The following TECRL variants were observed in gnomAD, a reference collection of about 807,000 sequenced individuals.
The protein encoded by TECRL is trans-2,3-enoyl-CoA reductase-like.
Under a neutral mutation model 52.8 loss-of-function variants are expected in TECRL, and 63 were observed. The ratio of observed to expected loss-of-function variants is 1.19; its 90% CI spans 0.97 to 1.47. TECRL has a LOEUF of 1.47. TECRL is among the 40% of genes most tolerant of loss of function. The probability of loss-of-function intolerance (pLI) is 0.00; values close to 1 mark genes in which losing one functional copy is unlikely to be tolerated. For synonymous variants in TECRL, 164 were observed against 141.9 expected (o/e 1.16, Z -1.10); for missense variants, 482 against 429.6 (o/e 1.12, Z -1.08).
chr4:64,328,422 T>C, intron 3 of TECRL, 90 bp downstream of exon 3: 1 of 1,094,574 alleles, frequency 9.1e-7, no homozygotes, highest in East Asian at 2.4e-5. Flanking sequence ...AATATTTGTA[T>C]ATTTGCAAAG....
chr4:64,378,198 A>C (rs1722531775), intron 1 of TECRL, among the ~76,000 whole-genome samples: 1 of 152,146 alleles, frequency 6.6e-6, no homozygotes. Context: ...CAAGGAAGAA[A>C]ATTGCCGAAA....
intron 7 of TECRL, among the ~76,000 whole-genome samples, chr4:64,300,219 A>G (rs1243237097): frequency 6.6e-6 from 1 of 150,652 alleles, no homozygotes; most frequent in East Asian, 1.9e-4. Context: ...TATTAACATA[A>G]TGATATTTAA....
At chr4:64,291,580 G>C (rs546669040) in intron 8 of TECRL, among the ~76,000 whole-genome samples, 104 of 151,922 alleles carry the variant, frequency 6.8e-4, no homozygotes, top group South Asian at 2.5e-3. Context: ...TATTTGTTTT[G>C]AGATTATTAA....
chr4:64,349,585 C>T (rs1226236356), intron 2 of TECRL, among the ~76,000 whole-genome samples: 2 of 152,122 alleles, frequency 1.3e-5, no homozygotes, highest in African/African-American at 2.4e-5. Flanking sequence ...AACACAATTG[C>T]AAATGCTGTG....
intron 2 of TECRL, among the ~76,000 whole-genome samples, chr4:64,334,030 C>CA (rs4034910): frequency 0.057 from 1,607 of 28,024 alleles, 223 homozygotes; most frequent in African/African-American, 0.13. Context: ...GACTCCGTCT[C>CA]AAAAAAAAAA....
chr4:64,394,847 A>T (rs1166385907), intron 1 of TECRL, among the ~76,000 whole-genome samples: 1 of 152,154 alleles, frequency 6.6e-6, no homozygotes, highest in Non-Finnish European at 1.5e-5. Context: ...AAAGATAAAA[A>T]AATTGAGATC....
intron 5 of TECRL, among the ~76,000 whole-genome samples, chr4:64,314,329 A>G (rs1361629653): frequency 6.6e-6 from 1 of 151,986 alleles, no homozygotes; most frequent in Non-Finnish European, 1.5e-5. Context: ...TGGTCTTTCA[A>G]TTTTGTAATT....
chr4:64,312,500 G>A (rs977178185), intron 5 of TECRL, among the ~76,000 whole-genome samples: 3 of 152,156 alleles, frequency 2.0e-5, no homozygotes, highest in Non-Finnish European at 4.4e-5. Context: ...AGTGGTGCAT[G>A]CCTATAATCC....
chr4:64,343,842 C>A (rs560104467), intron 2 of TECRL, among the ~76,000 whole-genome samples: 1 of 151,390 alleles, frequency 6.6e-6, no homozygotes, highest in Non-Finnish European at 1.5e-5. Flanking sequence ...TTTAGAGCCA[C>A]GGAGAGAAAA....
rs1724560455 is a variant in TECRL at position 64,309,825 on chromosome 4, C to A, written c.657+1G>T. Reference sequence around the variant, plus strand: ...TTATTAAAAACACAAAGCATCCTCACCATTATCAAATTTTTCAAAGGTGTG... The same window carrying A: ...TTATTAAAAACACAAAGCATCCTCAACATTATCAAATTTTTCAAAGGTGTG... On this transcript the variant is annotated splice_donor_variant, in intron 6 of 11. Coordinates refer to ENST00000381210, the MANE Select transcript of TECRL (RefSeq NM_001010874.5). LOFTEE classifies it high-confidence loss of function. 1 of 1,574,780 alleles carries A rather than the reference C, an allele frequency of 6.4e-7. No individual in the cohort carries two copies. Among genetic ancestry groups the A allele is most frequent in the African/African-American group, 1.4e-5 (1 of 73,966 alleles).
chr4:64,367,544 A>T (rs1413168898), intron 2 of TECRL, among the ~76,000 whole-genome samples: 2 of 40,788 alleles, frequency 4.9e-5, no homozygotes, highest in East Asian at 3.7e-3. Flanking sequence ...AATTCTCATC[A>T]CTTATATGAA....
chr4:64,395,628 A>G (rs1163996385), intron 1 of TECRL, among the ~76,000 whole-genome samples: 1 of 152,216 alleles, frequency 6.6e-6, no homozygotes, highest in Non-Finnish European at 1.5e-5. Context: ...TCCCCAAAAT[A>G]CAAATACATT....
intron 8 of TECRL, among the ~76,000 whole-genome samples, chr4:64,296,948 A>G (rs1015915915): frequency 5.9e-5 from 9 of 151,562 alleles, no homozygotes; most frequent in African/African-American, 2.2e-4. Context: ...GTGATACCCG[A>G]ACATATCTGA....
chr4:64,409,267 C>T lies in TECRL; in HGVS notation c.85G>A (p.Asp29Asn), dbSNP rs1724942337. Residue 29 changes from aspartate (D) to asparagine (N), a missense_variant, in exon 1 of 12, where the codon GAT becomes AAT. Coordinates refer to ENST00000381210, the MANE Select transcript of TECRL (RefSeq NM_001010874.5). ...GACAAAAAGTGAAAATTTCTCATAT[C>T]ATCCTTCAGTATGAACCGTGTAGCT... ...QRATRFILKD[D>N]MRNFHFLSKL... 7 of 1,588,192 alleles carry T rather than the reference C, an allele frequency of 4.4e-6. No homozygotes were observed. The highest frequency in any genetic ancestry group is 6.0e-6 in the Non-Finnish European group (7 of 1,164,788).
chr4:64,347,760 C>T (rs575388490), intron 2 of TECRL, among the ~76,000 whole-genome samples: 1 of 152,270 alleles, frequency 6.6e-6, no homozygotes, highest in Admixed American at 6.5e-5. Context: ...GTGGGGATTA[C>T]AGGTCCCTCC....
intron 1 of TECRL, among the ~76,000 whole-genome samples, chr4:64,399,784 G>A (rs1357825878): frequency 3.3e-5 from 5 of 152,126 alleles, no homozygotes; most frequent in Non-Finnish European, 7.4e-5. Flanking sequence ...AGATTTCAGC[G>A]GATATATGAA....
intron 1 of TECRL, among the ~76,000 whole-genome samples, chr4:64,376,975 A>C (rs1242543349): frequency 6.6e-6 from 1 of 152,044 alleles, no homozygotes; most frequent in Non-Finnish European, 1.5e-5. Flanking sequence ...TCTTAATCTG[A>C]TATGCAAAAG....
intron 4 of TECRL, among the ~76,000 whole-genome samples, chr4:64,321,569 AT>A (rs1357873674): frequency 2.0e-5 from 3 of 152,124 alleles, no homozygotes; most frequent in Non-Finnish European, 4.4e-5. Flanking sequence ...CTGTTTATTA[AT>A]TTTTCACTGC....
intron 6 of TECRL, among the ~76,000 whole-genome samples, chr4:64,308,745 A>T (rs146463013): frequency 4.0e-4 from 61 of 152,306 alleles, no homozygotes; most frequent in Middle Eastern, 3.4e-3. Flanking sequence ...TAACAGAAGC[A>T]TTTTACAAAT....
Sources: gnomAD v4.1 joint callset for allele counts (sites outside exome capture counted in the v4.1 genomes callset) on GRCh38, gnomAD v4.1.1 for gene constraint, MANE v1.5 for transcripts, NCBI Gene and HGNC (gene_info 2026-07-23, HGNC 2026-07-21) for gene names.